The following NRXN1 variants were observed in gnomAD, a reference collection of about 807,000 sequenced individuals.
NRXN1 encodes neurexin 1.
Under a neutral mutation model 150.9 loss-of-function variants are expected in NRXN1, and 39 were observed. That is an observed-to-expected ratio of 0.26 (90% CI 0.20 to 0.34). NRXN1 has a LOEUF of 0.34. NRXN1 is among the 10% of genes least tolerant of loss of function. The probability of loss-of-function intolerance (pLI) is 1.00; values close to 1 mark genes in which losing one functional copy is unlikely to be tolerated. For missense variants in NRXN1, 1,815 were observed against 1,949.9 expected, an observed-to-expected ratio of 0.93 and a Z score of 1.30; for synonymous variants, 924 against 757.0, an observed-to-expected ratio of 1.22 and a Z score of -3.62.
chr2:50,335,286 C>A (rs1239280163), intron 17 of NRXN1, among the ~76,000 whole-genome samples: 1 of 152,108 alleles, frequency 6.6e-6, no homozygotes. Context: ...TGTGTTCTGT[C>A]TAAATGCTAG....
chr2:51,028,298 G>T lies in NRXN1; in HGVS notation c.-25C>A. 3 of 1,412,656 alleles carry T rather than the reference G, an allele frequency of 2.1e-6. No individual in the cohort carries two copies. The highest frequency in any genetic ancestry group is 2.8e-6 in the Non-Finnish European group (3 of 1,083,906). The allele number at this position is 1,412,656 out of a possible 1,614,324, so 87.5% of individuals were successfully genotyped here. A position where few individuals can be genotyped will look rare whatever the true frequency, so the allele number is the denominator to read the frequency against. On this transcript the variant is annotated 5_prime_UTR_variant, in exon 2 of 23. Coordinates refer to ENST00000401669, the MANE Select transcript of NRXN1 (RefSeq NM_001330078.2). ...TGCTCGGGGCTGGGGTGCGGCGGGG[G>T]GGTGCCGGGGCCGACAGGGTCAAAA...
chr2:50,942,101 C>A (rs2104496368), intron 2 of NRXN1, among the ~76,000 whole-genome samples: 1 of 152,302 alleles, frequency 6.6e-6, no homozygotes, highest in Middle Eastern at 3.4e-3. Flanking sequence ...ACAGCACAGG[C>A]CATGGCTTCA....
chr2:49,973,982 A>C (rs1201505710), intron 21 of NRXN1: 1 of 717,400 alleles, frequency 1.4e-6, no homozygotes. Flanking sequence ...AAGTTTTCAC[A>C]GTGCCATCTC....
intron 17 of NRXN1, among the ~76,000 whole-genome samples, chr2:50,286,854 G>T (rs148401700): frequency 2.0e-5 from 3 of 152,144 alleles, no homozygotes; most frequent in Non-Finnish European, 2.9e-5. Flanking sequence ...TGATAAATGG[G>T]AAATTATTTT....
intron 12 of NRXN1, 147 bp from the exon 13 acceptor site, chr2:50,506,764 G>C: frequency 1.3e-6 from 1 of 797,956 alleles, no homozygotes; most frequent in Non-Finnish European, 1.9e-6. Flanking sequence ...AGAGGAGGGA[G>C]AGAAAGGAAA....
intron 8 of NRXN1, among the ~76,000 whole-genome samples, chr2:50,574,351 A>AT (rs1491031836): frequency 3.9e-5 from 6 of 152,152 alleles, no homozygotes; most frequent in Non-Finnish European, 7.4e-5. Flanking sequence ...AAAAAAAAAA[A>AT]ATCTGAATTG....
intron 17 of NRXN1, among the ~76,000 whole-genome samples, chr2:50,338,405 A>G (rs1290199704): frequency 6.6e-6 from 1 of 152,172 alleles, no homozygotes; most frequent in Non-Finnish European, 1.5e-5. Context: ...AAAGGAAATA[A>G]GCTATCAAAT....
intron 17 of NRXN1, among the ~76,000 whole-genome samples, chr2:50,251,222 C>T (rs1217699833): frequency 6.6e-6 from 1 of 152,022 alleles, no homozygotes; most frequent in East Asian, 1.9e-4. Context: ...GTGAGCTCCC[C>T]TTCCTGTGTC....
chr2:50,232,150 T>G (rs192155322), intron 18 of NRXN1, among the ~76,000 whole-genome samples: 333 of 152,154 alleles, frequency 2.2e-3, no homozygotes, highest in African/African-American at 7.3e-3. Flanking sequence ...ACAAAATGTT[T>G]GCTATAAATC....
At chr2:50,644,335 G>T (rs984856924) in intron 5 of NRXN1, among the ~76,000 whole-genome samples, 3 of 151,620 alleles carry the variant, frequency 2.0e-5, no homozygotes, top group South Asian at 2.1e-4. Context: ...ATCTGAAAAA[G>T]ATAGCTTGTT....
intron 18 of NRXN1, among the ~76,000 whole-genome samples, chr2:50,167,401 T>TC (rs530939611): frequency 9.2e-5 from 14 of 151,648 alleles, no homozygotes; most frequent in Non-Finnish European, 1.6e-4. Flanking sequence ...TTGTCCTGCC[T>TC]CCCCCCCGCC....
At chr2:50,898,695 A>T (rs887718784) in intron 5 of NRXN1, 3 of 376,740 alleles carry the variant, frequency 8.0e-6, no homozygotes, top group African/African-American at 4.3e-5. Context: ...TAATTGCTTA[A>T]TATAAAAAGC....
chr2:50,760,401 C>T (rs1395651703), intron 5 of NRXN1, among the ~76,000 whole-genome samples: 2 of 151,824 alleles, frequency 1.3e-5, no homozygotes, highest in Admixed American at 6.6e-5. Flanking sequence ...TTCCCTTAGC[C>T]TTACCAGCAA....
intron 18 of NRXN1, among the ~76,000 whole-genome samples, chr2:50,122,701 A>G (rs768522160): frequency 2.0e-5 from 3 of 152,178 alleles, no homozygotes; most frequent in Non-Finnish European, 2.9e-5. Flanking sequence ...CCATTAACAC[A>G]TGTTCCTTGA....
rs1294111154 is a variant in NRXN1, at chr2:50,531,370, A to G, written c.2204T>C (p.Met735Thr). 6.2e-7 allele frequency: 1 copy of G among 1,613,154 alleles called. No homozygotes were observed. The highest frequency in any genetic ancestry group is 1.7e-5 in the Admixed American group (1 of 59,904). Residue 735 changes from methionine (M) to threonine (T), a missense_variant, in exon 11 of 23, where the codon ATG (methionine) becomes ACG (threonine). This residue lies in a region of NRXN1 where 638 missense variants were observed against 652.6 expected (regional missense o/e 0.98). Transcript: ENST00000401669. ...MFMKIQLPVV[M>T]HTEAEDVSLR... ...GGAAACATCCTCAGCCTCCGTATGC[A>G]TGACTACGGGGAGCTGAATTTTCAT...
chr2:50,534,529 TAA>T (rs1199510561), intron 10 of NRXN1, among the ~76,000 whole-genome samples: 6 of 152,322 alleles, frequency 3.9e-5, no homozygotes, highest in South Asian at 2.1e-4. Flanking sequence ...AACCTGAGTG[TAA>T]AGTTATAGTG....
intron 17 of NRXN1, among the ~76,000 whole-genome samples, chr2:50,259,327 C>G (rs2068022828): frequency 6.6e-6 from 1 of 151,784 alleles, no homozygotes; most frequent in Non-Finnish European, 1.5e-5. Context: ...GTTGCTTCAA[C>G]TGACCTGGAA....
chr2:50,375,587 G>T (rs1300982707), intron 17 of NRXN1, among the ~76,000 whole-genome samples: 1 of 148,888 alleles, frequency 6.7e-6, no homozygotes, highest in African/African-American at 2.5e-5. Flanking sequence ...TTAGGAAACA[G>T]AATAATCTTT....
In NRXN1 at chr2:50,195,858, A is replaced by T. The variant is rs1249371642; in HGVS notation, c.3546+40931T>A. On this transcript the variant is annotated intron_variant, in intron 18 of 22. Transcript: ENST00000401669. ...AATATTATCATAGTTTCTTATTCTGATTGTAGAGTGAGAAGAAAGAAATGT... is the reference window on the plus strand; with the variant it reads ...AATATTATCATAGTTTCTTATTCTGTTTGTAGAGTGAGAAGAAAGAAATGT... Among the ~76,000 whole-genome samples the T allele has an allele frequency of 2.0e-5, 3 of 152,102 alleles. No homozygotes were observed. In the East Asian group the frequency reaches 5.8e-4, roughly 29 times the overall value.
Sources: gnomAD v4.1 joint callset for allele counts (sites outside exome capture counted in the v4.1 genomes callset) on GRCh38, gnomAD v4.1.1 for gene constraint, gnomAD v4.1.1 regional missense constraint, MANE v1.5 for transcripts, NCBI Gene and HGNC (gene_info 2026-07-23, HGNC 2026-07-21) for gene names.